The following HYLS1 variants were observed in gnomAD, a reference collection of about 807,000 sequenced individuals.
HYLS1 encodes the protein centriolar and ciliogenesis-associated protein HYLS1.
Under a neutral mutation model 29.4 loss-of-function variants are expected in HYLS1, and 25 were observed. The ratio of observed to expected loss-of-function variants is 0.85; its 90% CI spans 0.62 to 1.19. The LOEUF is 1.19. Among genes scored for constraint, HYLS1 ranks in the 50% most tolerant of loss-of-function variants. The probability of loss-of-function intolerance (pLI) is 0.00; values close to 1 mark genes in which losing one functional copy is unlikely to be tolerated. For synonymous variants in HYLS1, 128 were observed against 126.7 expected (o/e 1.01, Z -0.07); for missense variants, 352 against 365.1 (o/e 0.96, Z 0.29).
chr11:125,898,928 G>C (rs1280503105), intron 2 of HYLS1, among the ~76,000 whole-genome samples: 4 of 152,126 alleles, frequency 2.6e-5, no homozygotes, highest in South Asian at 2.1e-4. Flanking sequence ...TCTGTGAAAA[G>C]CAGATAATCC....
At chr11:125,884,808 T>C (rs1345668203), upstream of HYLS1, among the ~76,000 whole-genome samples, 2 of 152,248 alleles carry the variant, frequency 1.3e-5, no homozygotes, top group African/African-American at 4.8e-5. Flanking sequence ...TTGAGTTCAC[T>C]GGGCTTCATT....
At chr11:125,898,491 A>G (rs1390022786) in intron 2 of HYLS1, among the ~76,000 whole-genome samples, 6 of 152,160 alleles carry the variant, frequency 3.9e-5, no homozygotes, top group African/African-American at 9.7e-5. Flanking sequence ...CCTGGCTAAC[A>G]TGGTAAAACC....
chr11:125,892,098 A>G (rs373132238), intron 2 of HYLS1, among the ~76,000 whole-genome samples: 29 of 152,292 alleles, frequency 1.9e-4, no homozygotes, highest in African/African-American at 6.7e-4. Context: ...TAGAATTGTA[A>G]ATTAGAGGAT....
intron 2 of HYLS1, chr11:125,896,162 A>G (rs1944582460): frequency 1.2e-6 from 2 of 1,614,096 alleles, no homozygotes; most frequent in Non-Finnish European, 1.7e-6. Flanking sequence ...AATTTTCTCT[A>G]ATGTTTGAGT....
chr11:125,894,238 A>G, intron 2 of HYLS1: 1 of 1,613,172 alleles, frequency 6.2e-7, no homozygotes, highest in Non-Finnish European at 8.5e-7. Flanking sequence ...TCCACTTGAC[A>G]TTTTCAAACT....
At chr11:125,895,350 G>A in intron 2 of HYLS1, 1 of 1,614,174 alleles carries the variant, frequency 6.2e-7, no homozygotes, top group Non-Finnish European at 8.5e-7. Context: ...ATAAAGGAAT[G>A]CCTGGCCAGT....
At chr11:125,887,206 C>T (rs1038358301), upstream of HYLS1, 4 of 152,438 alleles carry the variant, frequency 2.6e-5, no homozygotes, top group African/African-American at 9.6e-5. Context: ...TTCGAACCGT[C>T]CCTGAGCGCC....
chr11:125,897,195 A>G (rs1944615255), intron 2 of HYLS1, among the ~76,000 whole-genome samples: 1 of 152,216 alleles, frequency 6.6e-6, no homozygotes, highest in African/African-American at 2.4e-5. Flanking sequence ...AGGCCATGTT[A>G]TCTAAGTATA....
Position 125,891,225 on chromosome 11 carries a change from C to T in HYLS1, c.-75-198C>T, listed in dbSNP as rs561314575. Among the ~76,000 whole-genome samples, 29 of 152,236 alleles carry T rather than the reference C, an allele frequency of 1.9e-4. No individual in the cohort carries two copies. In the Middle Eastern group the frequency reaches 0.01, roughly 54 times the overall value. ...CTATGGCAACTACCAAAAATGTAGT[C>T]ACTAAATTCTTACTCTTCTAGATTG... On this transcript the variant is annotated intron_variant, in intron 1 of 2. Transcript: ENST00000425380.
intron 2 of HYLS1, chr11:125,895,090 A>G (rs1944537861): frequency 1.8e-6 from 1 of 564,068 alleles, no homozygotes; most frequent in African/African-American, 1.9e-5. Flanking sequence ...TCTGTCACCC[A>G]TGCTGGAATG....
intron 2 of HYLS1, chr11:125,895,525 T>C: frequency 6.2e-7 from 1 of 1,614,146 alleles, no homozygotes; most frequent in Non-Finnish European, 8.5e-7. Flanking sequence ...CCAACATACT[T>C]CTGAGCTGCA....
At chr11:125,894,635 ATCTC>A (rs1023724729) in intron 2 of HYLS1, among the ~76,000 whole-genome samples, 2 of 152,192 alleles carry the variant, frequency 1.3e-5, no homozygotes, top group African/African-American at 4.8e-5. Flanking sequence ...ATTGGTATCT[ATCTC>A]AGCCTGTTCT....
upstream of HYLS1, chr11:125,883,984 A>G (rs945912802): frequency 1.3e-5 from 2 of 152,284 alleles, no homozygotes; most frequent in African/African-American, 4.8e-5. Context: ...AATTGGGGAA[A>G]GCATAAGGAA....
At position 125,896,229 on chromosome 11, in the gene HYLS1, C is replaced by T. The variant is rs200689030; in HGVS notation, c.-25-3115C>T. 1.8e-5 allele frequency: 29 copies of T among 1,613,996 alleles called. No individual in the cohort carries two copies. Among genetic ancestry groups the T allele is most frequent in the African/African-American group, 1.3e-4 (10 of 75,012 alleles). The stretch of plus-strand genomic sequence containing the variant: ...TCTTTGCACCTCTTGCTCCAGTTCT[C>T]GTACTCTTTTTAGGAGCTTCTCAGT... On this transcript the variant is annotated intron_variant, in intron 2 of 2. Coordinates refer to ENST00000425380, the MANE Select transcript of HYLS1 (RefSeq NM_001134793.2).
Position 125,900,386 on chromosome 11 carries a change from C to T in HYLS1, c.*118C>T. The T allele has an allele frequency of 2.1e-6, 2 of 935,592 alleles. No homozygotes were observed. Among genetic ancestry groups the T allele is most frequent in the South Asian group, 2.9e-5 (2 of 68,172 alleles). The allele number at this position is 935,592 out of a possible 1,614,324, so 58.0% of individuals were successfully genotyped here. ...TCGAAACATTTTATGGTAAGGACTT[C>T]ACCTATCATTGGTCTTTCCTAGCTA... On this transcript the variant is annotated 3_prime_UTR_variant, in exon 3 of 3. Transcript: ENST00000425380.
intron 1 of HYLS1, among the ~76,000 whole-genome samples, chr11:125,890,241 A>AG (rs1944386562): frequency 4.0e-5 from 2 of 50,222 alleles, no homozygotes; most frequent in East Asian, 1.8e-3. Flanking sequence ...CACTGCGCCC[A>AG]GCTGTTTGTT....
At chr11:125,883,983 A>G (rs1944265799), upstream of HYLS1, 1 of 152,270 alleles carries the variant, frequency 6.6e-6, no homozygotes, top group Non-Finnish European at 1.5e-5. Context: ...TAATTGGGGA[A>G]AGCATAAGGA....
chr11:125,889,565 C>G (rs934380175), intron 1 of HYLS1, among the ~76,000 whole-genome samples: 2 of 152,056 alleles, frequency 1.3e-5, no homozygotes, highest in African/African-American at 4.8e-5. Flanking sequence ...GAAACCAAGT[C>G]TCTACTAAAA....
Position 125,900,184 on chromosome 11 carries a change from G to T in HYLS1, c.816G>T (p.Arg272Ser), listed in dbSNP as rs775566887. The T allele has an allele frequency of 6.2e-7, 1 of 1,614,144 alleles. No homozygotes were observed. Among genetic ancestry groups the T allele is most frequent in the Non-Finnish European group, 8.5e-7 (1 of 1,180,014 alleles). The part of the protein sequence containing the change: ...NNYLVPTEKK[R>S]SALRWGVRCD... ...ATCTAGTACCAACAGAGAAGAAAAG[G>T]TCTGCACTCCGTTGGGGTGTTCGTT... The change falls in exon 3 of 3, where the codon AGG (arginine) becomes AGT (serine). Residue 272 changes from arginine to serine, a missense_variant. By Grantham distance (110) the Arg-to-Ser change is moderately radical. Coordinates refer to ENST00000425380, the MANE Select transcript of HYLS1 (RefSeq NM_001134793.2).
Sources: gnomAD v4.1 joint callset for allele counts (sites outside exome capture counted in the v4.1 genomes callset) on GRCh38, gnomAD v4.1.1 for gene constraint, MANE v1.5 for transcripts, NCBI Gene and HGNC (gene_info 2026-07-23, HGNC 2026-07-21) for gene names.